TRHDE: variants seen among roughly 807,000 people sequenced by gnomAD.
The protein encoded by TRHDE is thyrotropin releasing hormone degrading enzyme.
A neutral mutation model predicts 125.7 loss-of-function variants in TRHDE; 72 were observed. The observed-to-expected ratio is 0.57, with a 90% CI of 0.47 to 0.70. The LOEUF (loss-of-function observed/expected upper bound fraction) is 0.70, where lower values mean the gene tolerates loss of function less well. Ranked by LOEUF, TRHDE falls within the 30% of genes least tolerant of loss-of-function variation. The pLI, the probability that TRHDE is intolerant of heterozygous loss-of-function variation, is 0.00. For synonymous variants in TRHDE, 509 were observed against 509.1 expected (o/e 1.00, Z 0.00); for missense variants, 1,110 against 1,327.1 (o/e 0.84, Z 2.54).
chr12:72,398,648 T>C (rs1046806364), intron 3 of TRHDE, among the ~76,000 whole-genome samples: 16 of 152,218 alleles, frequency 1.1e-4, no homozygotes, highest in Non-Finnish European at 1.6e-4. Context: ...GTCTTTTCTA[T>C]AAGAAATTTG....
chr12:72,658,408 CCTCTT>C (rs981712147), intron 18 of TRHDE, among the ~76,000 whole-genome samples: 8 of 151,874 alleles, frequency 5.3e-5, no homozygotes, highest in Admixed American at 4.6e-4. Flanking sequence ...AAAATCTCTC[CCTCTT>C]CTCTTCTCTC....
intron 10 of TRHDE, among the ~76,000 whole-genome samples, chr12:72,570,111 G>T (rs1870646606): frequency 6.6e-6 from 1 of 152,200 alleles, no homozygotes. Flanking sequence ...AAAATTAGAA[G>T]AGGGTAAAGA....
chr12:72,462,923 TA>T (rs780782597), intron 3 of TRHDE, among the ~76,000 whole-genome samples: 44 of 152,058 alleles, frequency 2.9e-4, no homozygotes, highest in Non-Finnish European at 5.7e-4. Context: ...TGGAACAGAG[TA>T]AGGACTCAAC....
intron 3 of TRHDE, among the ~76,000 whole-genome samples, chr12:72,439,684 C>T (rs1874909250): frequency 6.6e-6 from 1 of 151,870 alleles, no homozygotes; most frequent in Non-Finnish European, 1.5e-5. Context: ...ATCATATCAT[C>T]TGCAAACATG....
chr12:72,234,235 C>T (rs1878299828), intron 2 of TRHDE, among the ~76,000 whole-genome samples: 1 of 151,990 alleles, frequency 6.6e-6, no homozygotes, highest in African/African-American at 2.4e-5. Flanking sequence ...TTTTTATGTT[C>T]ACAGCTTTGT....
intron 7 of TRHDE, among the ~76,000 whole-genome samples, chr12:72,559,244 A>T (rs910038033): frequency 2.6e-5 from 4 of 152,214 alleles, no homozygotes; most frequent in African/African-American, 7.2e-5. Flanking sequence ...TGTGCTAGGC[A>T]CTATTCATTC....
chr12:72,206,065 T>G (rs1877658200), intron 2 of TRHDE, among the ~76,000 whole-genome samples: 1 of 151,878 alleles, frequency 6.6e-6, no homozygotes, highest in African/African-American at 2.4e-5. Flanking sequence ...TGGCATGATA[T>G]CTTATTATGC....
intron 14 of TRHDE, 31 bp downstream of exon 14, chr12:72,621,236 A>G: frequency 7.1e-7 from 1 of 1,412,124 alleles, no homozygotes; most frequent in Non-Finnish European, 1.0e-6. Flanking sequence ...CCTCTTCTTT[A>G]CCCCTAGAGC....
rs553981245 is a variant in TRHDE at position 72,519,052 on chromosome 12, A to C, written c.1722+19417A>C. Among the ~76,000 whole-genome samples the C allele has an allele frequency of 1.5e-4, 23 of 152,232 alleles. No homozygotes were observed. The East Asian group carries it at 3.9e-3, about 26-fold the overall frequency. ...ATGGGCTTCCCTTTGTGGGTAACCC[A>C]ACCTTTCCCTCTGGCTGCCCTTAAC... On this transcript the variant is annotated intron_variant, in intron 6 of 18. Coordinates refer to ENST00000261180, the MANE Select transcript of TRHDE (RefSeq NM_013381.3).
At chr12:72,640,688 G>T (rs994357812) in intron 15 of TRHDE, among the ~76,000 whole-genome samples, 2 of 152,138 alleles carry the variant, frequency 1.3e-5, no homozygotes, top group African/African-American at 2.4e-5. Flanking sequence ...CCCGTCTTCT[G>T]CATCGCTCAT....
Position 72,374,292 on chromosome 12 carries a change from A to AGG in TRHDE, c.1189-3702_1189-3701insGG, listed in dbSNP as rs375776329. Among the ~76,000 whole-genome samples the AGG allele has an allele frequency of 3.2e-4, 43 of 134,100 alleles. 1 individual carries two copies. Among genetic ancestry groups the AGG allele is most frequent in the South Asian group, 1.3e-3 (5 of 3,960 alleles). The allele number at this position is 134,100 out of a possible 152,430, so 88.0% of individuals were successfully genotyped here. ...AGGTGGGAAAGATTTTAGAAGGAGA[A>AGG]GTGTGTGTGTGTGTGTGTGTGTGTG... On this transcript the variant is annotated intron_variant, in intron 2 of 18. Coordinates refer to ENST00000261180, the MANE Select transcript of TRHDE (RefSeq NM_013381.3).
At chr12:72,540,524 T>C (rs902153006) in intron 6 of TRHDE, among the ~76,000 whole-genome samples, 2 of 151,710 alleles carry the variant, frequency 1.3e-5, no homozygotes, top group African/African-American at 4.8e-5. Context: ...CATCTGAAGA[T>C]GGCTATTCAG....
At chr12:72,343,125 TAG>T (rs999087029) in intron 2 of TRHDE, among the ~76,000 whole-genome samples, 1 of 152,118 alleles carries the variant, frequency 6.6e-6, no homozygotes, top group Non-Finnish European at 1.5e-5. Context: ...CGCTGCTTTA[TAG>T]ATAGCATATA....
At chr12:72,586,338 C>T (rs1871438351) in intron 12 of TRHDE, among the ~76,000 whole-genome samples, 4 of 152,060 alleles carry the variant, frequency 2.6e-5, no homozygotes, top group South Asian at 2.1e-4. Context: ...TGTGGGAAAT[C>T]GTAAAGCCTT....
Position 72,456,293 on chromosome 12 carries a change from C to A in TRHDE, c.1316-13465C>A, listed in dbSNP as rs189404873. 2.3e-3 allele frequency among the ~76,000 whole-genome samples: 342 copies of A among 151,884 alleles called. 1 individual carries two copies. The highest frequency in any genetic ancestry group is 3.7e-3 in the Non-Finnish European group (254 of 67,964). On this transcript the variant is annotated intron_variant, in intron 3 of 18. Transcript: ENST00000261180. The stretch of plus-strand genomic sequence containing the variant: ...GAAAGGTGGCCAGGCTGTAAGGGTT[C>A]CATCCCCATCCAGGACTGGAATATT...
intron 12 of TRHDE, among the ~76,000 whole-genome samples, chr12:72,593,010 G>A (rs1203344105): frequency 2.0e-5 from 3 of 152,146 alleles, no homozygotes; most frequent in Admixed American, 6.5e-5. Context: ...ACCGCGCCCC[G>A]CTGGTGAAAT....
intron 2 of TRHDE, among the ~76,000 whole-genome samples, chr12:72,246,594 C>A (rs542292512): frequency 6.6e-6 from 1 of 152,164 alleles, no homozygotes; most frequent in Non-Finnish European, 1.5e-5. Context: ...GCAGCTGACT[C>A]GCTTAACATA....
chr12:72,402,646 A>C (rs1032214834), intron 3 of TRHDE, among the ~76,000 whole-genome samples: 4 of 152,194 alleles, frequency 2.6e-5, no homozygotes, highest in African/African-American at 9.7e-5. Context: ...ATTTCCAAGT[A>C]AGGTCACATT....
intron 2 of TRHDE, among the ~76,000 whole-genome samples, chr12:72,172,809 G>C (rs1013137359): frequency 3.3e-5 from 5 of 152,286 alleles, no homozygotes; most frequent in Admixed American, 6.5e-5. Flanking sequence ...GAGGATAGCT[G>C]CTTCTTAAAG....
Sources: gnomAD v4.1 joint callset for allele counts (sites outside exome capture counted in the v4.1 genomes callset) on GRCh38, gnomAD v4.1.1 for gene constraint, MANE v1.5 for transcripts, NCBI Gene and HGNC (gene_info 2026-07-23, HGNC 2026-07-21) for gene names.